The following TRIM46 variants were observed in gnomAD, a reference collection of about 807,000 sequenced individuals.
TRIM46 encodes tripartite motif-containing protein 46.
TRIM46 carries 17 observed loss-of-function variants against 69.7 expected under a neutral mutation model. The ratio of observed to expected loss-of-function variants is 0.24; its 90% confidence interval spans 0.17 to 0.37. The LOEUF is 0.37. Ranked by LOEUF, TRIM46 falls within the 10% of genes least tolerant of loss-of-function variation. The pLI, the probability that TRIM46 is intolerant of heterozygous loss-of-function variation, is 1.00. For synonymous variants in TRIM46, 391 were observed against 429.0 expected (o/e 0.91, Z 1.09); for missense variants, 675 against 1,025.1 (o/e 0.66, Z 4.66).
chr1:155,179,623 T>G lies in TRIM46; in HGVS notation c.1286-9T>G. The G allele has an allele frequency of 6.3e-7, 1 of 1,584,996 alleles. No homozygotes were observed. The highest frequency in any genetic ancestry group is 8.6e-7 in the Non-Finnish European group (1 of 1,162,766). On this transcript the variant is annotated splice_polypyrimidine_tract_variant and intron_variant, in intron 7 of 9. Coordinates refer to ENST00000334634, the MANE Select transcript of TRIM46 (RefSeq NM_025058.5). Reference sequence around the variant, plus strand: ...GGCCCTGACTGACACCCGCTGTCTCTTCCAACAGTGCCTGAGGCCCCCGTC... The same window carrying G: ...GGCCCTGACTGACACCCGCTGTCTCGTCCAACAGTGCCTGAGGCCCCCGTC...
chr1:155,178,092 G>C lies in TRIM46; in HGVS notation c.1000G>C (p.Ala334Pro). The C allele has an allele frequency of 6.2e-7, 1 of 1,614,144 alleles. No homozygotes were observed. The highest frequency in any genetic ancestry group is 8.5e-7 in the Non-Finnish European group (1 of 1,180,016). The change falls in exon 6 of 10, where the codon GCC becomes CCC. Residue 334 changes from alanine (A) to proline (P), a missense_variant. Ala to Pro is a conservative substitution (Grantham distance 27). Transcript: ENST00000334634. The part of the protein sequence containing the change: ...LEEKRASLLQ[A>P]IEECQQERLA... ...GGAGAAGCGGGCATCACTGCTTCAG[G>C]CCATTGAAGAATGCCAGCAGGAGCG...
At position 155,178,263 on chromosome 1, in the gene TRIM46, G is replaced by C. The variant is rs1182280831; in HGVS notation, c.1163+8G>C. The C allele has an allele frequency of 6.3e-7, 1 of 1,591,550 alleles. No homozygotes were observed. The highest frequency in any genetic ancestry group is 1.3e-5 in the African/African-American group (1 of 74,568). ...CAAGCAGCTGCACAACAGGTACTCA[G>C]GGGCATGGGCTCCTAGGGGGGCAGG... On this transcript the variant is annotated splice_region_variant and intron_variant, in intron 6 of 9. Transcript: ENST00000334634.
At position 155,175,194 on chromosome 1, in the gene TRIM46, C is replaced by A. The variant is rs1665541711; in HGVS notation, c.64-192C>A. The A allele has an allele frequency of 2.8e-6, 4 of 1,453,992 alleles. No individual in the cohort carries two copies. Among genetic ancestry groups the A allele is most frequent in the Non-Finnish European group, 1.8e-6 (2 of 1,113,316 alleles). 90.1% of individuals were successfully genotyped at this position (1,453,992 alleles called of 1,614,324 possible). A position where few individuals can be genotyped will look rare whatever the true frequency, so the allele number is the denominator to read the frequency against. ...CTCCTCTGGGCCTTTAGCTCTGCAG[C>A]GGGGAAAGAGAAGCAAGGGACAGAG... On this transcript the variant is annotated intron_variant, in intron 1 of 9. Coordinates refer to ENST00000334634, the MANE Select transcript of TRIM46 (RefSeq NM_025058.5). This position sits in a 1 kb window ranked among gnomAD's most constrained non-coding sequence, Gnocchi z 4.2.
At chr1:155,177,370 A>G (rs1247726650) in intron 5 of TRIM46, 80 bp downstream of exon 5, 3 of 1,244,656 alleles carry the variant, frequency 2.4e-6, no homozygotes, top group Non-Finnish European at 3.5e-6. Flanking sequence ...TCATGACCCA[A>G]TCACCTTGTT....
chr1:155,181,836 C>A lies in TRIM46; in HGVS notation c.1589-16C>A. 5.0e-6 allele frequency: 8 copies of A among 1,600,666 alleles called. No individual in the cohort carries two copies. The highest frequency in any genetic ancestry group is 6.0e-6 in the Non-Finnish European group (7 of 1,170,560). On this transcript the variant is annotated splice_polypyrimidine_tract_variant and intron_variant, in intron 8 of 9. Transcript: ENST00000334634. This position sits in a 1 kb window ranked among gnomAD's most constrained non-coding sequence, Gnocchi z 4.3. ...CTGAAGTTCTTGCTCCATCTCAACC[C>A]TCTCCCTCCTTCCAGTCCTGCACTT...
In TRIM46 at chr1:155,184,301, T is replaced by G. The variant is rs1666390557; in HGVS notation, c.*111T>G. The G allele has an allele frequency of 1.7e-6, 2 of 1,189,012 alleles. No individual in the cohort carries two copies. The highest frequency in any genetic ancestry group is 2.3e-6 in the Non-Finnish European group (2 of 872,956). 73.7% of individuals were successfully genotyped at this position (1,189,012 alleles called of 1,614,324 possible). On this transcript the variant is annotated 3_prime_UTR_variant, in exon 10 of 10. Transcript: ENST00000334634. The surrounding 1 kb of genome is among the most constrained non-coding windows in gnomAD (Gnocchi z 5.6). ...GCTTCTCCCCCAAACTCTCCTACCA[T>G]GTGGCCCTGCTCCTTCTCCCGTGTC...
intron 8 of TRIM46, chr1:155,180,376 C>A: frequency 2.9e-6 from 1 of 343,560 alleles, no homozygotes; most frequent in Non-Finnish European, 5.2e-6. Context: ...GCGGGCGGAT[C>A]ACAAGGTCAA....
In TRIM46 at chr1:155,178,545, C is replaced by A; in HGVS notation, c.1217C>A (p.Ser406Tyr). ...LQTFRPAASS[S>Y]FRHCQLDVGR... ...ACATTCCGGCCAGCTGCCAGCTCCT[C>A]CTTCCGCCATTGCCAGCTCGACGTG... Residue 406 changes from serine (S) to tyrosine (Y), a missense_variant, in exon 7 of 10, where the codon TCC becomes TAC. By Grantham distance (144) the Ser-to-Tyr change is moderately radical. Coordinates refer to ENST00000334634, the MANE Select transcript of TRIM46 (RefSeq NM_025058.5). 6.2e-7 allele frequency: 1 copy of A among 1,614,168 alleles called. No individual in the cohort carries two copies. The highest frequency in any genetic ancestry group is 1.1e-5 in the South Asian group (1 of 91,092).
intron 9 of TRIM46, among the ~76,000 whole-genome samples, chr1:155,183,483 C>T (rs980846757): frequency 6.6e-6 from 1 of 152,090 alleles, no homozygotes; most frequent in African/African-American, 2.4e-5. Flanking sequence ...TCCTCAGAAC[C>T]ATCTCCCCAG....
At position 155,183,869 on chromosome 1, in the gene TRIM46, C is replaced by T. The variant is rs770432919; in HGVS notation, c.1959C>T (p.Phe653=). The change falls in exon 10 of 10, where the codon TTC becomes TTT. Residue 653 remains phenylalanine, a synonymous_variant. Coordinates refer to ENST00000334634, the MANE Select transcript of TRIM46 (RefSeq NM_025058.5). Reference sequence around the variant, plus strand: ...TGGAGGCGTCGCCACCCTTCGCTTTCCTAACCATTGGCATGGGCAAGATCC... The same window carrying T: ...TGGAGGCGTCGCCACCCTTCGCTTTTCTAACCATTGGCATGGGCAAGATCC... ...ATVEASPPFA[F]LTIGMGKILL... The T allele has an allele frequency of 1.9e-6, 3 of 1,613,072 alleles. No homozygotes were observed. The Admixed American group carries it at 5.0e-5, about 27-fold the overall frequency.
chr1:155,181,314 G>C lies in TRIM46; in HGVS notation c.1589-538G>C, dbSNP rs142048869. On this transcript the variant is annotated intron_variant, in intron 8 of 9. Coordinates refer to ENST00000334634, the MANE Select transcript of TRIM46 (RefSeq NM_025058.5). This position sits in a 1 kb window ranked among gnomAD's most constrained non-coding sequence, Gnocchi z 4.3. ...TGCAAGAATTCAACTGGTTTGAGAC[G>C]ATCAATGGGAGTCTGAGTACAGTGT... is the stretch of plus-strand genomic sequence containing the variant. Among the ~76,000 whole-genome samples, 3 of 152,334 alleles carry C rather than the reference G, an allele frequency of 2.0e-5. No homozygotes were observed. Among genetic ancestry groups the C allele is most frequent in the Admixed American group, 1.3e-4 (2 of 15,298 alleles).
At chr1:155,178,772 C>A (rs1244730893) in intron 7 of TRIM46, 159 bp downstream of exon 7, 1 of 1,494,142 alleles carries the variant, frequency 6.7e-7, no homozygotes, top group Admixed American at 2.0e-5. Context: ...ACCGTCCTAC[C>A]GCGCTCAGCG....
chr1:155,173,885 C>G lies in TRIM46; in HGVS notation c.-82C>G. 2 of 1,413,244 alleles carry G rather than the reference C, an allele frequency of 1.4e-6. No homozygotes were observed. The highest frequency in any genetic ancestry group is 1.9e-6 in the Non-Finnish European group (2 of 1,027,704). The allele number at this position is 1,413,244 out of a possible 1,614,324, so 87.5% of individuals were successfully genotyped here. ...TCAACCCCCAGCCCTCCTCACACCC[C>G]CACTGGGCTCCTGCATTAAGCCCGG... On this transcript the variant is annotated 5_prime_UTR_variant, in exon 1 of 10. Transcript: ENST00000334634.
chr1:155,184,421 C>T lies in TRIM46; in HGVS notation c.*231C>T, dbSNP rs993150391. ...CTCCATTGCTTGTTAGCCAGGCCCC[C>T]ACCCCCACTGAGTCTGCCCTATGAC... is the stretch of plus-strand genomic sequence containing the variant. On this transcript the variant is annotated 3_prime_UTR_variant, in exon 10 of 10. Coordinates refer to ENST00000334634, the MANE Select transcript of TRIM46 (RefSeq NM_025058.5). This position sits in a 1 kb window ranked among gnomAD's most constrained non-coding sequence, Gnocchi z 5.6. 1 of 558,970 alleles carries T rather than the reference C, an allele frequency of 1.8e-6. No individual in the cohort carries two copies. Among genetic ancestry groups the T allele is most frequent in the Non-Finnish European group, 3.1e-6 (1 of 320,372 alleles). The allele number at this position is 558,970 out of a possible 1,614,324, so 34.6% of individuals were successfully genotyped here.
chr1:155,174,725 G>C, intron 1 of TRIM46: 1 of 1,450,348 alleles, frequency 6.9e-7, no homozygotes, highest in Non-Finnish European at 9.0e-7. Flanking sequence ...GGGAGGGGGC[G>C]AGTAGGCGGG....
chr1:155,174,417 C>A, intron 1 of TRIM46: 1 of 701,426 alleles, frequency 1.4e-6, no homozygotes, highest in Non-Finnish European at 1.8e-6. Flanking sequence ...AGGAGCCGCC[C>A]CACAGTGCAG....
chr1:155,184,390 C>G lies in TRIM46; in HGVS notation c.*200C>G. On this transcript the variant is annotated 3_prime_UTR_variant, in exon 10 of 10. Coordinates refer to ENST00000334634, the MANE Select transcript of TRIM46 (RefSeq NM_025058.5). This position sits in a 1 kb window ranked among gnomAD's most constrained non-coding sequence, Gnocchi z 5.6. Reference sequence around the variant, plus strand: ...TCTGCCCACCTCTCTGGATGGCCCCCGTTCTCTCCATTGCTTGTTAGCCAG... The same window carrying G: ...TCTGCCCACCTCTCTGGATGGCCCCGGTTCTCTCCATTGCTTGTTAGCCAG... 1.6e-6 allele frequency: 1 copy of G among 625,762 alleles called. No homozygotes were observed. The highest frequency in any genetic ancestry group is 2.7e-6 in the Non-Finnish European group (1 of 369,432). The allele number at this position is 625,762 out of a possible 1,614,324, so 38.8% of individuals were successfully genotyped here.
Position 155,181,520 on chromosome 1 carries a change from TG to T in TRIM46, c.1589-330del, listed in dbSNP as rs907198996. Among the ~76,000 whole-genome samples the T allele has an allele frequency of 1.3e-5, 2 of 152,054 alleles. No homozygotes were observed. Among genetic ancestry groups the T allele is most frequent in the African/African-American group, 2.4e-5 (1 of 41,414 alleles). On this transcript the variant is annotated intron_variant, in intron 8 of 9. Coordinates refer to ENST00000334634, the MANE Select transcript of TRIM46 (RefSeq NM_025058.5). The surrounding 1 kb of genome is among the most constrained non-coding windows in gnomAD (Gnocchi z 4.3). ...TGATGGTGATGGGAATGTCACCAGG[TG>T]GAACAGAATAGTGGGAACTGTCCAT...
chr1:155,175,756 G>A lies in TRIM46; in HGVS notation c.325+109G>A, dbSNP rs1208497305. 6.3e-7 allele frequency: 1 copy of A among 1,589,678 alleles called. No homozygotes were observed. The highest frequency in any genetic ancestry group is 8.6e-7 in the Non-Finnish European group (1 of 1,162,542). On this transcript the variant is annotated intron_variant, in intron 2 of 9. Transcript: ENST00000334634. The surrounding 1 kb of genome is among the most constrained non-coding windows in gnomAD (Gnocchi z 4.2). ...CATCTGTCTGTCTTTCTGGGGGGTGGAGATACTGCTTACGCAGGCTCTAAT... is the reference window on the plus strand; with the variant it reads ...CATCTGTCTGTCTTTCTGGGGGGTGAAGATACTGCTTACGCAGGCTCTAAT...
Sources: allele counts gnomAD v4.1 joint callset (sites outside exome capture counted in the v4.1 genomes callset), GRCh38; gene constraint gnomAD v4.1.1; non-coding constraint Gnocchi (gnomAD v3.1); transcripts MANE v1.5; gene names NCBI Gene and HGNC (gene_info 2026-07-23, HGNC 2026-07-21).